GUSB: variants seen among roughly 807,000 people sequenced by gnomAD.
GUSB encodes the protein glucuronidase beta.
A neutral mutation model predicts 74.6 loss-of-function variants in GUSB; 51 were observed. The ratio of observed to expected loss-of-function variants is 0.68; its 90% CI spans 0.55 to 0.86. The LOEUF is 0.86. Ranked by LOEUF, GUSB falls within the 40% of genes least tolerant of loss-of-function variation. The pLI is 0.00. For missense variants in GUSB, 736 were observed against 853.7 expected (o/e 0.86, Z 1.72); for synonymous variants, 360 against 348.3 (o/e 1.03, Z -0.37).
intron 11 of GUSB, among the ~76,000 whole-genome samples, chr7:65,962,016 G>C (rs1051758850): frequency 3.4e-5 from 5 of 147,090 alleles, no homozygotes; most frequent in African/African-American, 9.9e-5. Context: ...AAAAAAAAAA[G>C]CACTAAAAGT....
intron 9 of GUSB, among the ~76,000 whole-genome samples, chr7:65,969,681 A>T (rs1372328015): frequency 6.6e-6 from 1 of 152,166 alleles, no homozygotes; most frequent in Non-Finnish European, 1.5e-5. Context: ...AGGGCAAGAG[A>T]GTAAGACCTT....
At chr7:65,978,662 C>T (rs1791759869) in intron 4 of GUSB, among the ~76,000 whole-genome samples, 2 of 150,792 alleles carry the variant, frequency 1.3e-5, no homozygotes, top group Non-Finnish European at 2.9e-5. Flanking sequence ...ATCCCAGTTA[C>T]TCGGGAGGCT....
At chr7:65,976,272 G>T in intron 4 of GUSB, 70 bp from the exon 5 acceptor site, 1 of 1,020,198 alleles carries the variant, frequency 9.8e-7, no homozygotes. Flanking sequence ...GGAGCGCCCT[G>T]CAGCCACCGC....
chr7:65,965,052 C>T (rs1790742503), intron 10 of GUSB, among the ~76,000 whole-genome samples: 1 of 150,672 alleles, frequency 6.6e-6, no homozygotes, highest in African/African-American at 2.4e-5. Context: ...TTGGGTGACA[C>T]AGTGAGACCC....
chr7:65,969,254 C>A, intron 9 of GUSB, among the ~76,000 whole-genome samples: 1 of 152,020 alleles, frequency 6.6e-6, no homozygotes, highest in East Asian at 1.9e-4. Flanking sequence ...TGGTGGCATG[C>A]ACCTGTAATC....
At chr7:65,976,317 A>T in intron 4 of GUSB, 115 bp from the exon 5 acceptor site, 7 of 740,298 alleles carry the variant, frequency 9.5e-6, no homozygotes, top group South Asian at 3.2e-5. Context: ...TGCTTTTTTT[A>T]AATTTAATTT....
intron 9 of GUSB, among the ~76,000 whole-genome samples, chr7:65,969,777 A>G (rs1791076083): frequency 6.6e-6 from 1 of 152,228 alleles, no homozygotes; most frequent in Non-Finnish European, 1.5e-5. Flanking sequence ...CTGGCATTTC[A>G]TAAAAACTTC....
chr7:65,970,759 G>A (rs1791148059), intron 8 of GUSB, among the ~76,000 whole-genome samples: 2 of 152,108 alleles, frequency 1.3e-5, no homozygotes, highest in African/African-American at 4.8e-5. Flanking sequence ...CGTGGTGGCC[G>A]GCGCCTATAG....
At chr7:65,967,949 A>T in intron 9 of GUSB, 42 bp from the exon 10 acceptor site, 2 of 1,500,532 alleles carry the variant, frequency 1.3e-6, no homozygotes, top group South Asian at 2.2e-5. Flanking sequence ...CTCAGTAGAC[A>T]GCATGACTCA....
intron 4 of GUSB, among the ~76,000 whole-genome samples, chr7:65,977,714 C>T (rs966702412): frequency 2.7e-4 from 41 of 151,482 alleles, no homozygotes; most frequent in Admixed American, 9.2e-4. Context: ...CTTAGAACCG[C>T]GGCCCCACAA....
chr7:65,967,636 G>T, intron 10 of GUSB, 95 bp downstream of exon 10: 1 of 1,034,384 alleles, frequency 9.7e-7, no homozygotes. Context: ...GCTGAAGCGA[G>T]GGGAGCAGTG....
rs749695052 is a variant in GUSB, at chr7:65,967,714, A to G, written c.1653+17T>C. ...GCCCTGAGAGAACACACAAGCAGAA[A>G]GCTCAACACTGCTTACCTGGTGAAA... On this transcript the variant is annotated intron_variant, in intron 10 of 11. Coordinates refer to ENST00000304895, the MANE Select transcript of GUSB (RefSeq NM_000181.4). 8.7e-6 allele frequency: 14 copies of G among 1,608,302 alleles called. No individual in the cohort carries two copies. Among genetic ancestry groups the G allele is most frequent in the Non-Finnish European group, 1.2e-5 (14 of 1,175,464 alleles).
intron 10 of GUSB, among the ~76,000 whole-genome samples, chr7:65,965,260 G>A (rs1334894783): frequency 1.3e-5 from 2 of 151,888 alleles, no homozygotes; most frequent in Non-Finnish European, 2.9e-5. Flanking sequence ...CAAAATATTA[G>A]CCAGGTGTGG....
intron 8 of GUSB, among the ~76,000 whole-genome samples, chr7:65,973,679 C>T (rs926710230): frequency 1.1e-4 from 17 of 152,298 alleles, no homozygotes; most frequent in African/African-American, 3.4e-4. Context: ...ATCACTTGAA[C>T]CTGAGCGGCA....
Position 65,960,996 on chromosome 7 carries a change from C to G in GUSB, c.1857G>C (p.Ala619=), listed in dbSNP as rs779147312. 1 of 1,613,472 alleles carries G rather than the reference C, an allele frequency of 6.2e-7. No homozygotes were observed. Among genetic ancestry groups the G allele is most frequent in the South Asian group, 1.1e-5 (1 of 91,058 alleles). Residue 619 remains alanine (A), a synonymous_variant, in exon 12 of 12, where the codon GCG becomes GCC. Coordinates refer to ENST00000304895, the MANE Select transcript of GUSB (RefSeq NM_000181.4). ...FTRQRQPKSA[A]FLLRERYWKI... ...TCCAGTATCTCTCTCGCAAAAGGAA[C>G]GCTGCACTTTTTGGTTGTCTCTGCC... is the stretch of plus-strand genomic sequence containing the variant.
rs1231803642 is a variant in GUSB, at chr7:65,979,876, C to T, written c.432G>A (p.Gly144=). 1 of 1,611,738 alleles carries T rather than the reference C, an allele frequency of 6.2e-7. No homozygotes were observed. The part of the protein sequence containing the change: ...VNGVDTLEHE[G]GYLPFEADIS... ...TGTCGGCCTCGAAGGGGAGGTAGCC[C>T]CCCTCATGCTCTAGCGTGTCGACCC... The change falls in exon 3 of 12, where the codon GGG becomes GGA. Residue 144 remains glycine, a synonymous_variant. Transcript: ENST00000304895.
chr7:65,968,230 CAAA>C (rs60554800), intron 9 of GUSB, among the ~76,000 whole-genome samples: 3 of 123,354 alleles, frequency 2.4e-5, no homozygotes, highest in Admixed American at 8.5e-5. Context: ...CCATTTCTAC[CAAA>C]AAAAAAAAAA....
chr7:65,968,556 G>A (rs1562676862), intron 9 of GUSB, among the ~76,000 whole-genome samples: 1 of 152,170 alleles, frequency 6.6e-6, no homozygotes. Flanking sequence ...GCTGCCACCC[G>A]AGGGGCCGAT....
At chr7:65,977,013 G>T (rs79017614) in intron 4 of GUSB, among the ~76,000 whole-genome samples, 4,404 of 152,062 alleles carry the variant, frequency 0.029, 91 homozygotes, top group Non-Finnish European at 0.045. Context: ...GCAACCAGAG[G>T]ACGGCCCAGA....
Sources: allele counts gnomAD v4.1 joint callset (sites outside exome capture counted in the v4.1 genomes callset), GRCh38; gene constraint gnomAD v4.1.1; transcripts MANE v1.5; gene names NCBI Gene and HGNC (gene_info 2026-07-23, HGNC 2026-07-21).